Variants in FHIP2B observed in about 807,000 individuals in gnomAD.
FHIP2B encodes FHF complex subunit HOOK-interacting protein 2B.
A neutral mutation model predicts 84.0 loss-of-function variants in FHIP2B; 72 were observed. That is an observed-to-expected ratio of 0.86 (90% CI 0.71 to 1.04). The LOEUF (loss-of-function observed/expected upper bound fraction) is 1.04, where lower values mean the gene tolerates loss of function less well. Among genes scored for constraint, FHIP2B ranks in the 50% least tolerant of loss-of-function variants. The probability of loss-of-function intolerance (pLI) is 0.00; values close to 1 mark genes in which losing one functional copy is unlikely to be tolerated. For synonymous variants in FHIP2B, 497 were observed against 418.7 expected, an observed-to-expected ratio of 1.19 and a Z score of -2.28; for missense variants, 972 against 968.9, an observed-to-expected ratio of 1.00 and a Z score of -0.04.
intron 1 of FHIP2B, among the ~76,000 whole-genome samples, chr8:22,091,992 ATGAT>A (rs1397522362): frequency 1.1e-4 from 17 of 152,190 alleles, no homozygotes; most frequent in Admixed American, 9.2e-4. Context: ...AGCAGAAGAG[ATGAT>A]TGCTCAGCAC....
In FHIP2B at chr8:22,096,626, G is replaced by A. The variant is rs572332812; in HGVS notation, c.297+117G>A. The stretch of plus-strand genomic sequence containing the variant: ...CAGGCCGAGGTGGGAGACCCTCTGA[G>A]TGCTGGGCCAGGCTGAGGTGGGCGG... On this transcript the variant is annotated intron_variant, in intron 3 of 16. Coordinates refer to ENST00000289921, the MANE Select transcript of FHIP2B (RefSeq NM_022749.7). The A allele has an allele frequency of 3.7e-6, 5 of 1,368,682 alleles. No homozygotes were observed. The South Asian group carries it at 8.4e-5, about 23-fold the overall frequency. The allele number at this position is 1,368,682 out of a possible 1,614,324, so 84.8% of individuals were successfully genotyped here.
In FHIP2B at chr8:22,104,761, T is replaced by G. The variant is rs1476949274; in HGVS notation, c.*1830T>G. On this transcript the variant is annotated 3_prime_UTR_variant, in exon 17 of 17. Coordinates refer to ENST00000289921, the MANE Select transcript of FHIP2B (RefSeq NM_022749.7). ...GGCCTGATATTTAAAACCTTGTCTT[T>G]AAGTTCAAGGCTGCAGTGAGCCGAT... 1 of 150,028 alleles carries G rather than the reference T, an allele frequency of 6.7e-6. No individual in the cohort carries two copies. The highest frequency in any genetic ancestry group is 1.5e-5 in the Non-Finnish European group (1 of 67,912). 9.3% of individuals were successfully genotyped at this position (150,028 alleles called of 1,614,324 possible).
intron 16 of FHIP2B, 45 bp from the exon 17 acceptor site, chr8:22,102,748 G>A (rs1826198561): frequency 6.2e-7 from 1 of 1,609,138 alleles, no homozygotes; most frequent in Non-Finnish European, 8.5e-7. Flanking sequence ...GCTGGGCACA[G>A]TCCTGCCCCC....
chr8:22,096,809 T>G, intron 3 of FHIP2B: 5 of 272,814 alleles, frequency 1.8e-5, no homozygotes, highest in Non-Finnish European at 2.7e-5. Context: ...AGCGCTCCTG[T>G]TCCCAGTTCA....
intron 1 of FHIP2B, chr8:22,089,990 G>C: frequency 2.2e-6 from 1 of 462,428 alleles, no homozygotes; most frequent in South Asian, 2.0e-5. Flanking sequence ...TGGGGCCTGG[G>C]TGGCCCTGTG....
chr8:22,099,406 C>CACCT, intron 9 of FHIP2B, 46 bp downstream of exon 9: 2 of 1,581,896 alleles, frequency 1.3e-6, no homozygotes, highest in Non-Finnish European at 1.7e-6. Context: ...TACAGTAAAC[C>CACCT]ACCTACCCCA....
Position 22,102,169 on chromosome 8 carries a change from C to G in FHIP2B, c.1852-6C>G, listed in dbSNP as rs375047009. On this transcript the variant is annotated splice_polypyrimidine_tract_variant and splice_region_variant and intron_variant, in intron 14 of 16. Transcript: ENST00000289921. ...GCCCTCGGCTCTGTCCACCATGTTC[C>G]TACAGCCATACAGCCTGAACCTGCA... The G allele has an allele frequency of 4.3e-6, 7 of 1,613,442 alleles. No homozygotes were observed. The Admixed American group carries it at 6.7e-5, about 15-fold the overall frequency.
chr8:22,093,059 G>C (rs1004237453), intron 1 of FHIP2B, among the ~76,000 whole-genome samples: 1 of 152,180 alleles, frequency 6.6e-6, no homozygotes, highest in African/African-American at 2.4e-5. Context: ...TGGCTACTCA[G>C]TTCTGTGGTG....
In FHIP2B at chr8:22,103,212, T is replaced by A; in HGVS notation, c.*281T>A. 2 of 464,484 alleles carry A rather than the reference T, an allele frequency of 4.3e-6. No homozygotes were observed. Among genetic ancestry groups the A allele is most frequent in the Non-Finnish European group, 7.9e-6 (2 of 254,408 alleles). The allele number at this position is 464,484 out of a possible 1,614,324, so 28.8% of individuals were successfully genotyped here. A position where few individuals can be genotyped will look rare whatever the true frequency, so the allele number is the denominator to read the frequency against. The stretch of plus-strand genomic sequence containing the variant: ...TGAGCACCCAGACCCCAGACCCTCA[T>A]GTGCTGTGTGCCTGGCCCCTTCTGT... On this transcript the variant is annotated 3_prime_UTR_variant, in exon 17 of 17. Coordinates refer to ENST00000289921, the MANE Select transcript of FHIP2B (RefSeq NM_022749.7).
At chr8:22,101,137 C>T (rs1446522551) in intron 12 of FHIP2B, 165 bp downstream of exon 12, 1 of 866,668 alleles carries the variant, frequency 1.2e-6, no homozygotes, top group South Asian at 1.8e-5. Flanking sequence ...ATTCCTGTGC[C>T]TCAGCCTCCC....
rs202206983 is a variant in FHIP2B, at chr8:22,099,292, G to A, written c.1083G>A (p.Ala361=). 27 of 1,613,566 alleles carry A rather than the reference G, an allele frequency of 1.7e-5. No individual in the cohort carries two copies. The highest frequency in any genetic ancestry group is 6.7e-5 in the Admixed American group (4 of 59,952). The change falls in exon 9 of 17, where the codon GCG becomes GCA. Residue 361 remains alanine (A), a synonymous_variant. Coordinates refer to ENST00000289921, the MANE Select transcript of FHIP2B (RefSeq NM_022749.7). ...CGCTCTCTGGCACCCAGGTGGTTGC[G>A]GACGCCTTGGCGAAGGCTGTGGCTG... The part of the protein sequence containing the change: ...HLITEAHTVV[A]DALAKAVAEN...
chr8:22,102,584 G>C lies in FHIP2B; in HGVS notation c.2049G>C (p.Leu683=), dbSNP rs1025637890. ...GGGTACCCCAGTTCCCAGGCAAGCTGCTCCTGGTGCGCAAGCAGTTGACGG... is the reference window on the plus strand; with the variant it reads ...GGGTACCCCAGTTCCCAGGCAAGCTCCTCCTGGTGCGCAAGCAGTTGACGG... The part of the protein sequence containing the change: ...IQRVPQFPGK[L]LLVRKQLTGQ... Residue 683 remains leucine (L), a synonymous_variant, in exon 16 of 17, where the codon CTG becomes CTC. Coordinates refer to ENST00000289921, the MANE Select transcript of FHIP2B (RefSeq NM_022749.7). 8.9e-6 allele frequency: 14 copies of C among 1,565,014 alleles called. No homozygotes were observed. The highest frequency in any genetic ancestry group is 3.3e-4 in the Middle Eastern group (2 of 6,030).
At chr8:22,093,708 CTT>C (rs59841460) in intron 1 of FHIP2B, among the ~76,000 whole-genome samples, 35 of 66,454 alleles carry the variant, frequency 5.3e-4, no homozygotes, top group East Asian at 2.1e-3. Flanking sequence ...AAAGCTTTGT[CTT>C]TTTTTTTTTT....
chr8:22,096,222 C>A, intron 2 of FHIP2B, 115 bp from the exon 3 acceptor site: 1 of 1,043,106 alleles, frequency 9.6e-7, no homozygotes, highest in Non-Finnish European at 1.3e-6. Flanking sequence ...GCTGTCTTCC[C>A]CCACCTCTCC....
At chr8:22,101,608 T>C in intron 13 of FHIP2B, 78 bp downstream of exon 13, 2 of 1,559,450 alleles carry the variant, frequency 1.3e-6, no homozygotes, top group Non-Finnish European at 8.7e-7. Context: ...TCCGCCTCTC[T>C]CATCTGCCCA....
chr8:22,104,106 G>C lies in FHIP2B; in HGVS notation c.*1175G>C, dbSNP rs376248527. On this transcript the variant is annotated 3_prime_UTR_variant, in exon 17 of 17. Transcript: ENST00000289921. ...GGTTGCCAAGAGGTGACACGAAACA[G>C]GAGGAAACTCAGTGACCTCTGCCTC... 1.3e-5 allele frequency: 2 copies of C among 152,276 alleles called. No homozygotes were observed. Among genetic ancestry groups the C allele is most frequent in the African/African-American group, 4.8e-5 (2 of 41,434 alleles). 9.4% of individuals were successfully genotyped at this position (152,276 alleles called of 1,614,324 possible). A position where few individuals can be genotyped will look rare whatever the true frequency, so the allele number is the denominator to read the frequency against.
chr8:22,091,507 G>A (rs1586311125), intron 1 of FHIP2B, among the ~76,000 whole-genome samples: 1 of 152,360 alleles, frequency 6.6e-6, no homozygotes, highest in African/African-American at 2.4e-5. Context: ...GCCTCCCAAA[G>A]TGCTAGGATT....
intron 3 of FHIP2B, 87 bp from the exon 4 acceptor site, chr8:22,097,429 A>G: frequency 1.0e-6 from 1 of 1,004,910 alleles, no homozygotes; most frequent in African/African-American, 1.7e-5. Context: ...CGGCTCTGAC[A>G]GGCGCTCTGT....
intron 2 of FHIP2B, 124 bp from the exon 3 acceptor site, chr8:22,096,213 C>T (rs1344622863): frequency 6.5e-6 from 6 of 921,086 alleles, no homozygotes; most frequent in Non-Finnish European, 9.5e-6. Context: ...TTGCCAGCAG[C>T]TGTCTTCCCC....
Sources: gnomAD v4.1 joint callset for allele counts (sites outside exome capture counted in the v4.1 genomes callset) on GRCh38, gnomAD v4.1.1 for gene constraint, MANE v1.5 for transcripts, NCBI Gene and HGNC (gene_info 2026-07-23, HGNC 2026-07-21) for gene names.